Variants in SATB1 observed in about 807,000 individuals in gnomAD.
The protein encoded by SATB1 is DNA-binding protein SATB1.
Under a neutral mutation model 86.9 loss-of-function variants are expected in SATB1, and 11 were observed. The observed-to-expected ratio is 0.13, with a 90% confidence interval of 0.08 to 0.21. The LOEUF is 0.21. Among genes scored for constraint, SATB1 ranks in the 10% least tolerant of loss-of-function variants. SATB1 has a pLI of 1.00. For missense variants in SATB1, 551 were observed against 937.6 expected (o/e 0.59, Z 5.39); for synonymous variants, 357 against 357.2 (o/e 1.00, Z 0.01).
intron 9 of SATB1, among the ~76,000 whole-genome samples, chr3:18,354,759 T>C (rs1189080702): frequency 1.3e-5 from 2 of 152,092 alleles, no homozygotes; most frequent in Non-Finnish European, 2.9e-5. Flanking sequence ...AAGAAAATCA[T>C]TAGTTCTTTT....
In SATB1 at chr3:18,444,491, T is replaced by C. The variant is rs768944120; in HGVS notation, c.-25+1027A>G. 2.2e-5 allele frequency: 16 copies of C among 742,736 alleles called. No homozygotes were observed. The highest frequency in any genetic ancestry group is 2.5e-5 in the Non-Finnish European group (15 of 609,140). The allele number at this position is 742,736 out of a possible 1,614,324, so 46.0% of individuals were successfully genotyped here. On this transcript the variant is annotated intron_variant, in intron 1 of 3. Coordinates refer to the SATB1 transcript ENST00000415069. This position sits in a 1 kb window ranked among gnomAD's most constrained non-coding sequence, Gnocchi z 5.1. ...CGAGAGGGGAGCCCAGCCGCCCCAA[T>C]AGGGGACGAGGAGTGGGTGCTACGG...
intron 2 of SATB1, among the ~76,000 whole-genome samples, chr3:18,418,895 C>A (rs1271098512): frequency 6.6e-6 from 1 of 151,928 alleles, no homozygotes; most frequent in Non-Finnish European, 1.5e-5. Flanking sequence ...AAAACAAAAC[C>A]AAAAAGCATT....
chr3:18,402,596 A>C (rs991755151), intron 5 of SATB1, among the ~76,000 whole-genome samples: 1 of 152,276 alleles, frequency 6.6e-6, no homozygotes, highest in East Asian at 1.9e-4. Context: ...CCATATTTGC[A>C]TATTACAATA....
intron 8 of SATB1, among the ~76,000 whole-genome samples, chr3:18,383,137 C>A (rs529403254): frequency 1.3e-5 from 2 of 152,284 alleles, no homozygotes; most frequent in South Asian, 2.1e-4. Context: ...ATAGCCCAGG[C>A]AGAGGATGAA....
At chr3:18,380,897 T>C (rs1221978746) in intron 8 of SATB1, among the ~76,000 whole-genome samples, 1 of 152,238 alleles carries the variant, frequency 6.6e-6, no homozygotes, top group Non-Finnish European at 1.5e-5. Flanking sequence ...AATCCTGGTT[T>C]AGCTTTTAAT....
chr3:18,433,449 G>A (rs934604115), intron 2 of SATB1, among the ~76,000 whole-genome samples: 2 of 151,908 alleles, frequency 1.3e-5, no homozygotes, highest in South Asian at 4.1e-4. Flanking sequence ...CTAGTAATAA[G>A]GATGAAAGTA....
intron 5 of SATB1, among the ~76,000 whole-genome samples, chr3:18,406,574 GC>G (rs1370933691): frequency 1.2e-4 from 18 of 152,094 alleles, no homozygotes; most frequent in African/African-American, 3.9e-4. Flanking sequence ...TTTAAAGCTT[GC>G]CCTTAACTGT....
In SATB1 at chr3:18,346,206, T is replaced by C. The variant is rs1010070514; in HGVS notation, c.*2964A>G. The C allele has an allele frequency of 2.6e-5, 4 of 152,098 alleles. No homozygotes were observed. Among genetic ancestry groups the C allele is most frequent in the African/African-American group, 9.7e-5 (4 of 41,434 alleles). The allele number at this position is 152,098 out of a possible 1,614,324, so 9.4% of individuals were successfully genotyped here. A position where few individuals can be genotyped will look rare whatever the true frequency, so the allele number is the denominator to read the frequency against. ...ACTATCAACATTTTTTTTTGCATAA[T>C]GTGCAAGTATTATATGGCCACAGAG... On this transcript the variant is annotated 3_prime_UTR_variant, in exon 11 of 11. Transcript: ENST00000338745.
chr3:18,417,210 T>C (rs1698162756), intron 2 of SATB1, 132 bp from the exon 3 acceptor site: 1 of 839,384 alleles, frequency 1.2e-6, no homozygotes, highest in Non-Finnish European at 1.9e-6. Flanking sequence ...CAAGGCAGAC[T>C]GGGTACAGTA....
intron 3 of SATB1, 117 bp downstream of exon 3, chr3:18,416,785 A>T (rs1244517802): frequency 9.6e-7 from 1 of 1,039,276 alleles, no homozygotes; most frequent in African/African-American, 1.6e-5. Flanking sequence ...ACAGCCTATA[A>T]GGAACCAATG....
At chr3:18,392,969 G>A (rs1368191903) in intron 7 of SATB1, among the ~76,000 whole-genome samples, 28 of 109,482 alleles carry the variant, frequency 2.6e-4, no homozygotes, top group African/African-American at 7.9e-4. Context: ...ACAGACGAAC[G>A]TACAAAAAAA....
intron 2 of SATB1, among the ~76,000 whole-genome samples, chr3:18,434,472 CAATT>C (rs912265252): frequency 1.3e-5 from 2 of 151,922 alleles, no homozygotes; most frequent in African/African-American, 2.4e-5. Context: ...GAGTATTCCA[CAATT>C]TAAAACTAGT....
At chr3:18,442,436 G>GA (rs1699266099), upstream of SATB1, among the ~76,000 whole-genome samples, 1 of 151,924 alleles carries the variant, frequency 6.6e-6, no homozygotes, top group South Asian at 2.1e-4. Flanking sequence ...GTTTTCATTA[G>GA]AAAAAACTAT....
intron 2 of SATB1, among the ~76,000 whole-genome samples, chr3:18,420,203 C>T (rs1698312723): frequency 6.6e-6 from 1 of 152,126 alleles, no homozygotes; most frequent in Non-Finnish European, 1.5e-5. Flanking sequence ...TAAATCTGTT[C>T]TTTCTTCATC....
chr3:18,425,533 CAAGT>C (rs1559462031), upstream of SATB1, among the ~76,000 whole-genome samples: 1 of 149,418 alleles, frequency 6.7e-6, no homozygotes, highest in East Asian at 2.0e-4. Context: ...AGCCGAAAGA[CAAGT>C]AACTAGTGAA....
Position 18,349,668 on chromosome 3 carries a change from T to TTGCTGC in SATB1, c.1788_1793dup (p.Gln606_Gln607dup), listed in dbSNP as rs746900972. The TTGCTGC allele has an allele frequency of 1.9e-6, 3 of 1,606,288 alleles. No individual in the cohort carries two copies. The highest frequency in any genetic ancestry group is 2.2e-5 in the East Asian group (1 of 44,680). On this transcript the variant is annotated inframe_insertion, in exon 11 of 11. Coordinates refer to ENST00000338745, the MANE Select transcript of SATB1 (RefSeq NM_002971.6). The surrounding 1 kb of genome is among the most constrained non-coding windows in gnomAD (Gnocchi z 5.5). ...GCTGCTGCTGCTGCTGCTGTTGCTG[T>TTGCTGC]TGCTGCTGCTGTTGCTGCAAAGAAA...
At chr3:18,350,699 GT>G (rs1559386978) in intron 10 of SATB1, 1 of 152,294 alleles carries the variant, frequency 6.6e-6, no homozygotes, top group African/African-American at 2.4e-5. Flanking sequence ...TAAACAGTAA[GT>G]TTTTCAGGCT....
rs2125114662 is a variant in SATB1 at position 18,394,023 on chromosome 3, CT to C, written c.1206+438del. Among the ~76,000 whole-genome samples, 1 of 152,216 alleles carries C rather than the reference CT, an allele frequency of 6.6e-6. No individual in the cohort carries two copies. The highest frequency in any genetic ancestry group is 2.4e-5 in the African/African-American group (1 of 41,514). ...CAACAACAACAACGCTGCAGTAGAA[CT>C]TTAAGAGGGAACATTTATATACCTA... On this transcript the variant is annotated intron_variant, in intron 7 of 10. Transcript: ENST00000338745. This position sits in a 1 kb window ranked among gnomAD's most constrained non-coding sequence, Gnocchi z 5.9.
intron 9 of SATB1, among the ~76,000 whole-genome samples, chr3:18,365,307 G>C (rs1695131164): frequency 6.6e-6 from 1 of 152,134 alleles, no homozygotes; most frequent in African/African-American, 2.4e-5. Flanking sequence ...TATCCTTTCA[G>C]AAATGTCTAC....
Sources: gnomAD v4.1 joint callset for allele counts (sites outside exome capture counted in the v4.1 genomes callset) on GRCh38, gnomAD v4.1.1 for gene constraint, Gnocchi (gnomAD v3.1) non-coding constraint, MANE v1.5 for transcripts, NCBI Gene and HGNC (gene_info 2026-07-23, HGNC 2026-07-21) for gene names.